The following GOLGA4 variants were observed in gnomAD, a reference collection of about 807,000 sequenced individuals.
GOLGA4 encodes golgin subfamily A member 4.
In GOLGA4, 169 loss-of-function variants were observed where a neutral mutation model predicts 265.9. That is an observed-to-expected ratio of 0.64 (90% CI 0.56 to 0.72). The LOEUF (loss-of-function observed/expected upper bound fraction) is 0.72. Among genes scored for constraint, GOLGA4 ranks in the 30% least tolerant of loss-of-function variants. The pLI is 0.00. For synonymous variants in GOLGA4, 923 were observed against 855.8 expected, an observed-to-expected ratio of 1.08 and a Z score of -1.37; for missense variants, 2,482 against 2,483.4, an observed-to-expected ratio of 1.00 and a Z score of 0.01.
intron 2 of GOLGA4, among the ~76,000 whole-genome samples, 194 bp from the exon 3 acceptor site, chr3:37,281,764 C>T (rs2096835327): frequency 6.6e-6 from 1 of 152,204 alleles, no homozygotes; most frequent in African/African-American, 2.4e-5. Flanking sequence ...CACCCCAGTC[C>T]TCTGACTCCA....
chr3:37,303,691 G>A (rs971637145), intron 10 of GOLGA4, among the ~76,000 whole-genome samples: 1 of 152,170 alleles, frequency 6.6e-6, no homozygotes, highest in African/African-American at 2.4e-5. Flanking sequence ...AGGAGAGGCG[G>A]ATTTCTACAA....
intron 1 of GOLGA4, among the ~76,000 whole-genome samples, chr3:37,246,121 C>A (rs546054828): frequency 6.6e-6 from 1 of 151,712 alleles, no homozygotes; most frequent in African/African-American, 2.4e-5. Flanking sequence ...GAGGCCAAGG[C>A]GGGCGGATCA....
At chr3:37,305,160 C>A (rs2096902812) in intron 10 of GOLGA4, among the ~76,000 whole-genome samples, 1 of 152,088 alleles carries the variant, frequency 6.6e-6, no homozygotes, top group African/African-American at 2.4e-5. Flanking sequence ...CTCAGGTAAT[C>A]CACCCTCCTT....
chr3:37,331,799 A>T (rs994036272), intron 16 of GOLGA4, among the ~76,000 whole-genome samples: 3 of 151,986 alleles, frequency 2.0e-5, no homozygotes, highest in African/African-American at 7.2e-5. Flanking sequence ...TGACATCTTT[A>T]ATTCCCACTT....
At chr3:37,276,013 T>G in intron 2 of GOLGA4, 5 of 1,613,096 alleles carry the variant, frequency 3.1e-6, no homozygotes, top group Non-Finnish European at 4.2e-6. Flanking sequence ...GAGAAGAAAG[T>G]ACTTCCAGCG....
intron 16 of GOLGA4, among the ~76,000 whole-genome samples, chr3:37,333,843 C>T (rs961801862): frequency 3.3e-5 from 5 of 152,088 alleles, no homozygotes; most frequent in African/African-American, 4.8e-5. Context: ...AATTTCATGA[C>T]AAGTGGTATT....
chr3:37,276,871 C>G (rs904491570), intron 2 of GOLGA4, among the ~76,000 whole-genome samples: 4 of 152,108 alleles, frequency 2.6e-5, no homozygotes. Context: ...GGCAATATTT[C>G]TTCTTTCTTA....
intron 1 of GOLGA4, among the ~76,000 whole-genome samples, chr3:37,248,090 G>A (rs942242418): frequency 1.1e-4 from 16 of 152,116 alleles, no homozygotes; most frequent in African/African-American, 3.9e-4. Flanking sequence ...CACAGGGCAG[G>A]GGTCATTTGG....
chr3:37,328,822 C>G, intron 15 of GOLGA4, 141 bp from the exon 16 acceptor site: 1 of 724,592 alleles, frequency 1.4e-6, no homozygotes, highest in Non-Finnish European at 2.2e-6. Context: ...AGCTAGATGT[C>G]TCATTAAACA....
At position 37,321,875 on chromosome 3, in the gene GOLGA4, ACT is replaced by A; in HGVS notation, c.1691_1692del (p.Thr564IlefsTer4). 6.3e-7 allele frequency: 1 copy of A among 1,593,304 alleles called. No individual in the cohort carries two copies. Among genetic ancestry groups the A allele is most frequent in the Non-Finnish European group, 8.5e-7 (1 of 1,174,550 alleles). On this transcript the variant is annotated frameshift_variant, in exon 13 of 24. Transcript: ENST00000361924. LOFTEE classifies it high-confidence loss of function. ...TCGGGACCTTCAGCAAGAAGCAGAG[ACT>A]TACAGAACTGTAAGTTTTAATAATA... ...KLRDLQQEAE[T>X]YRTRILELES...
chr3:37,288,916 A>G (rs1263380957), intron 4 of GOLGA4, among the ~76,000 whole-genome samples: 1 of 152,224 alleles, frequency 6.6e-6, no homozygotes, highest in South Asian at 2.1e-4. Context: ...TTAATTTTAA[A>G]ACATTTTATT....
chr3:37,334,380 C>G (rs555227397), intron 16 of GOLGA4, among the ~76,000 whole-genome samples: 6 of 150,372 alleles, frequency 4.0e-5, no homozygotes, highest in South Asian at 2.1e-4. Flanking sequence ...TTTTTTTTTT[C>G]AAAAATAGAT....
chr3:37,274,433 T>C (rs2096808113), intron 2 of GOLGA4, among the ~76,000 whole-genome samples: 1 of 152,168 alleles, frequency 6.6e-6, no homozygotes, highest in Non-Finnish European at 1.5e-5. Context: ...GGCTCATGCC[T>C]GTTATCCCAG....
chr3:37,285,953 G>T, intron 3 of GOLGA4, 61 bp from the exon 4 acceptor site: 1 of 965,724 alleles, frequency 1.0e-6, no homozygotes, highest in South Asian at 1.6e-5. Context: ...ATTTTTTAGT[G>T]GACTTTAGAA....
intron 2 of GOLGA4, among the ~76,000 whole-genome samples, chr3:37,260,450 A>AC (rs974692141): frequency 6.6e-6 from 1 of 151,748 alleles, no homozygotes; most frequent in Non-Finnish European, 1.5e-5. Flanking sequence ...GGTGAAACCC[A>AC]CCCCACCCCC....
chr3:37,273,358 TTACCATAC>T (rs1185878594), intron 2 of GOLGA4, among the ~76,000 whole-genome samples: 1 of 152,240 alleles, frequency 6.6e-6, no homozygotes, highest in East Asian at 1.9e-4. Flanking sequence ...TCTAAAATAC[TTACCATAC>T]TACAATAGTT....
At position 37,326,751 on chromosome 3, in the gene GOLGA4, T is replaced by G; in HGVS notation, c.4865T>G (p.Leu1622Ter). The G allele has an allele frequency of 6.2e-7, 1 of 1,613,500 alleles. No individual in the cohort carries two copies. Among genetic ancestry groups the G allele is most frequent in the Non-Finnish European group, 8.5e-7 (1 of 1,179,554 alleles). Residue 1622 changes from leucine to a stop codon, truncating the protein, a stop_gained, in exon 14 of 24, where the codon TTA becomes TGA. Coordinates refer to ENST00000361924, the MANE Select transcript of GOLGA4 (RefSeq NM_002078.5). LOFTEE classifies it high-confidence loss of function. ...AGTGTGAAAAGCAAAGAGGAGGAGT[T>G]AAAGGCATTGGAAGATAGGCTTGAG... ...NLSVKSKEEE[L>*]KALEDRLESE...
chr3:37,249,258 C>G (rs1473101262), intron 1 of GOLGA4, among the ~76,000 whole-genome samples: 1 of 152,134 alleles, frequency 6.6e-6, no homozygotes, highest in Non-Finnish European at 1.5e-5. Context: ...TCAAGGTAGG[C>G]TCAAACTTAT....
At chr3:37,310,748 A>G (rs1223531115) in intron 10 of GOLGA4, among the ~76,000 whole-genome samples, 2 of 151,496 alleles carry the variant, frequency 1.3e-5, no homozygotes, top group Non-Finnish European at 2.9e-5. Context: ...TTTTTTTTTA[A>G]ATAAAAATTG....
Sources: gnomAD v4.1 joint callset for allele counts (sites outside exome capture counted in the v4.1 genomes callset) on GRCh38, gnomAD v4.1.1 for gene constraint, MANE v1.5 for transcripts, NCBI Gene and HGNC (gene_info 2026-07-23, HGNC 2026-07-21) for gene names.